GRB2: variants seen among roughly 807,000 people sequenced by gnomAD.
GRB2 encodes the protein growth factor receptor bound protein 2.
Under a neutral mutation model 27.4 loss-of-function variants are expected in GRB2, and 2 were observed. That is an observed-to-expected ratio of 0.07 (90% CI 0.03 to 0.23). The LOEUF is 0.23. Ranked by LOEUF, GRB2 falls within the 10% of genes least tolerant of loss-of-function variation. The probability of loss-of-function intolerance (pLI) is 1.00; values close to 1 mark genes in which losing one functional copy is unlikely to be tolerated. For missense variants in GRB2, 102 were observed against 282.4 expected (o/e 0.36, Z 4.58); for synonymous variants, 94 against 99.6 (o/e 0.94, Z 0.33).
At chr17:75,331,235 T>C (rs1008885864) in intron 3 of GRB2, among the ~76,000 whole-genome samples, 2 of 152,240 alleles carry the variant, frequency 1.3e-5, no homozygotes, top group Non-Finnish European at 2.9e-5. Context: ...AGTTGCCTTT[T>C]CAGAGCTCAG....
chr17:75,328,618 G>A (rs1247838412), intron 3 of GRB2, among the ~76,000 whole-genome samples: 1 of 151,378 alleles, frequency 6.6e-6, no homozygotes, highest in African/African-American at 2.4e-5. Flanking sequence ...CTCCAGCCTG[G>A]GCAACAAGAG....
At chr17:75,361,290 C>T (rs1168174883) in intron 2 of GRB2, among the ~76,000 whole-genome samples, 1 of 152,106 alleles carries the variant, frequency 6.6e-6, no homozygotes, top group Non-Finnish European at 1.5e-5. Context: ...TTTTGCGAAC[C>T]TGTCTTAAAC....
At chr17:75,340,648 T>C (rs2078614573) in intron 2 of GRB2, among the ~76,000 whole-genome samples, 1 of 152,216 alleles carries the variant, frequency 6.6e-6, no homozygotes, top group South Asian at 2.1e-4. Context: ...ACGTATTTTA[T>C]TAGAAGCTAT....
chr17:75,366,241 G>A (rs972361034), intron 2 of GRB2, among the ~76,000 whole-genome samples: 2 of 151,914 alleles, frequency 1.3e-5, no homozygotes, highest in African/African-American at 2.4e-5. Context: ...ACCTTTCAAC[G>A]TTTCGATTAT....
chr17:75,399,696 G>C (rs2079051897), intron 1 of GRB2, among the ~76,000 whole-genome samples: 2 of 147,416 alleles, frequency 1.4e-5, no homozygotes, highest in Admixed American at 7.0e-5. Context: ...TTTTGAGACA[G>C]AGTCTCGCTC....
At chr17:75,355,956 G>A (rs184113197) in intron 2 of GRB2, among the ~76,000 whole-genome samples, 4 of 151,186 alleles carry the variant, frequency 2.6e-5, no homozygotes, top group Non-Finnish European at 4.4e-5. Flanking sequence ...TCAGCCTCTC[G>A]AGTAGCTGGG....
chr17:75,326,122 G>T, intron 3 of GRB2, 102 bp from the exon 4 acceptor site: 1 of 1,365,148 alleles, frequency 7.3e-7, no homozygotes, highest in East Asian at 2.3e-5. Flanking sequence ...GCCAGAGGAA[G>T]GGGCCTCCCT....
intron 2 of GRB2, among the ~76,000 whole-genome samples, chr17:75,333,151 C>T (rs988280053): frequency 3.9e-5 from 6 of 152,200 alleles, no homozygotes; most frequent in Middle Eastern, 3.4e-3. Context: ...TCTTGGCTCA[C>T]TGCAACCTCC....
chr17:75,398,491 G>A (rs1357495884), intron 1 of GRB2, among the ~76,000 whole-genome samples: 6 of 151,784 alleles, frequency 4.0e-5, no homozygotes, highest in African/African-American at 1.2e-4. Context: ...AAACTCCTAA[G>A]CTCAACAGAT....
At chr17:75,355,164 TG>T in intron 2 of GRB2, among the ~76,000 whole-genome samples, 1 of 152,350 alleles carries the variant, frequency 6.6e-6, no homozygotes, top group African/African-American at 2.4e-5. Context: ...TCTACGAAGG[TG>T]CTGAATCCCA....
intron 2 of GRB2, among the ~76,000 whole-genome samples, chr17:75,374,770 C>A (rs2078881328): frequency 6.6e-6 from 1 of 151,712 alleles, no homozygotes; most frequent in Admixed American, 6.6e-5. Context: ...CCAACCTGGC[C>A]AACAGAACAA....
At chr17:75,324,238 C>T (rs1038129665) in intron 4 of GRB2, among the ~76,000 whole-genome samples, 9 of 152,058 alleles carry the variant, frequency 5.9e-5, no homozygotes, top group African/African-American at 1.7e-4. Context: ...CTTACTCTGT[C>T]ACTCAGGCTG....
At chr17:75,372,389 T>A (rs2078862200) in intron 2 of GRB2, 1 of 152,184 alleles carries the variant, frequency 6.6e-6, no homozygotes, top group South Asian at 2.1e-4. Flanking sequence ...GAACACCTCA[T>A]CCCAATTCTA....
At chr17:75,327,227 C>T (rs1032794297) in intron 3 of GRB2, among the ~76,000 whole-genome samples, 3 of 151,522 alleles carry the variant, frequency 2.0e-5, no homozygotes, top group Non-Finnish European at 4.4e-5. Context: ...CATAGGCGCC[C>T]GCCACCATGC....
At chr17:75,364,525 T>G (rs1166176828) in intron 2 of GRB2, among the ~76,000 whole-genome samples, 10 of 151,956 alleles carry the variant, frequency 6.6e-5, no homozygotes, top group Admixed American at 5.2e-4. Context: ...AGAGGCAGGA[T>G]CGGAACCCAG....
intron 1 of GRB2, among the ~76,000 whole-genome samples, chr17:75,396,125 G>A (rs539796613): frequency 2.9e-4 from 44 of 152,050 alleles, no homozygotes; most frequent in Non-Finnish European, 4.3e-4. Flanking sequence ...GGCATCGGCC[G>A]CTGTGCCTGA....
intron 2 of GRB2, among the ~76,000 whole-genome samples, chr17:75,333,734 C>T (rs546003163): frequency 2.0e-5 from 3 of 152,180 alleles, no homozygotes; most frequent in Non-Finnish European, 4.4e-5. Context: ...AAATCCTACT[C>T]AGTTCAATAA....
chr17:75,358,759 T>C (rs905006040), intron 2 of GRB2, among the ~76,000 whole-genome samples: 1 of 143,986 alleles, frequency 6.9e-6, no homozygotes, highest in African/African-American at 2.5e-5. Context: ...GGCACATACC[T>C]GTAAATCCCA....
At chr17:75,332,240 T>G (rs1425625765) in intron 3 of GRB2, among the ~76,000 whole-genome samples, 1 of 152,132 alleles carries the variant, frequency 6.6e-6, no homozygotes, top group African/African-American at 2.4e-5. Context: ...CTCTTGTAAG[T>G]AGGAACACTA....
Sources: gnomAD v4.1 joint callset for allele counts (sites outside exome capture counted in the v4.1 genomes callset) on GRCh38, gnomAD v4.1.1 for gene constraint, MANE v1.5 for transcripts, NCBI Gene and HGNC (gene_info 2026-07-23, HGNC 2026-07-21) for gene names.